PEPD: variants seen among roughly 807,000 people sequenced by gnomAD.
The protein encoded by PEPD is xaa-Pro dipeptidase.
PEPD carries 53 observed loss-of-function variants against 60.7 expected under a neutral mutation model. That is an observed-to-expected ratio of 0.87 (90% CI 0.70 to 1.10). The LOEUF (loss-of-function observed/expected upper bound fraction) is 1.10. PEPD is among the 50% of genes least tolerant of loss of function. The pLI, the probability that PEPD is intolerant of heterozygous loss-of-function variation, is 0.00. For synonymous variants in PEPD, 267 were observed against 284.1 expected (o/e 0.94, Z 0.60); for missense variants, 711 against 711.9 (o/e 1.00, Z 0.01).
rs540979411 is a variant in PEPD, at chr19:33,395,609, G to A, written c.968-4130C>T. The stretch of plus-strand genomic sequence containing the variant: ...CACTTGGTCTCCTCAGGCAGCACCC[G>A]CTCCTGCTGGGCCTAGGGCCCAGGC... On this transcript the variant is annotated intron_variant, in intron 12 of 14. Transcript: ENST00000244137. Among the ~76,000 whole-genome samples the A allele has an allele frequency of 1.2e-4, 18 of 152,300 alleles. No individual in the cohort carries two copies. In the South Asian group the frequency reaches 2.5e-3, roughly 21 times the overall value.
intron 12 of PEPD, among the ~76,000 whole-genome samples, chr19:33,396,321 C>A (rs986310816): frequency 3.3e-5 from 5 of 152,014 alleles, no homozygotes; most frequent in African/African-American, 7.2e-5. Flanking sequence ...GGCAGAGGTG[C>A]CCCCTGACCA....
chr19:33,436,736 C>T (rs1446179515), intron 9 of PEPD, among the ~76,000 whole-genome samples: 2 of 152,250 alleles, frequency 1.3e-5, no homozygotes, highest in Non-Finnish European at 2.9e-5. Context: ...CACTGGCCTG[C>T]CCACCCCTGC....
At chr19:33,462,648 C>T (rs1040787419) in intron 9 of PEPD, among the ~76,000 whole-genome samples, 3 of 152,210 alleles carry the variant, frequency 2.0e-5, no homozygotes, top group African/African-American at 7.2e-5. Flanking sequence ...GCAGTGTTTA[C>T]ACATAAAAAC....
intron 7 of PEPD, among the ~76,000 whole-genome samples, chr19:33,464,506 TC>T (rs964530971): frequency 7.9e-5 from 12 of 152,022 alleles, no homozygotes; most frequent in Non-Finnish European, 1.6e-4. Flanking sequence ...CCTCGTTTCC[TC>T]CCCACCCCCA....
chr19:33,389,103 A>G (rs1968151200), intron 13 of PEPD: 2 of 152,302 alleles, frequency 1.3e-5, no homozygotes, highest in Non-Finnish European at 2.9e-5. Context: ...TCAGACTCCA[A>G]TTAGCAGTTC....
At chr19:33,446,728 G>C (rs1479429446) in intron 9 of PEPD, among the ~76,000 whole-genome samples, 1 of 152,260 alleles carries the variant, frequency 6.6e-6, no homozygotes, top group African/African-American at 2.4e-5. Context: ...CCAGAGGGGA[G>C]GGCCCAGCGG....
intron 9 of PEPD, among the ~76,000 whole-genome samples, chr19:33,440,059 T>C (rs1305155270): frequency 6.6e-6 from 1 of 152,002 alleles, no homozygotes; most frequent in Non-Finnish European, 1.5e-5. Flanking sequence ...TCCTCAAGCG[T>C]TTCTAAACCT....
At chr19:33,411,579 C>T in intron 11 of PEPD, 93 bp downstream of exon 11, 1 of 749,348 alleles carries the variant, frequency 1.3e-6, no homozygotes, top group Non-Finnish European at 2.4e-6. Flanking sequence ...CCTCTCAGGA[C>T]AGGGACCCAG....
intron 4 of PEPD, among the ~76,000 whole-genome samples, chr19:33,496,369 G>C (rs755858085): frequency 5.3e-5 from 8 of 152,168 alleles, no homozygotes; most frequent in Non-Finnish European, 7.3e-5. Context: ...CTGACTCTGA[G>C]AGCAGGCTGT....
chr19:33,490,085 C>A, intron 5 of PEPD, 28 bp from the exon 6 acceptor site: 2 of 1,571,830 alleles, frequency 1.3e-6, no homozygotes, highest in Non-Finnish European at 1.7e-6. Context: ...AGACATGACA[C>A]ACGGGGCCGC....
At chr19:33,392,233 T>G (rs538551592) in intron 12 of PEPD, among the ~76,000 whole-genome samples, 1 of 152,278 alleles carries the variant, frequency 6.6e-6, no homozygotes, top group East Asian at 1.9e-4. Flanking sequence ...AAGAGAGAAC[T>G]TCCTAAGCAC....
rs151278946 is a variant in PEPD, at chr19:33,464,045, T to C, written c.566A>G (p.Asp189Gly). ...EIVECRVFKTDMELEVLRYTN... is the reference protein window; with the variant it reads ...EIVECRVFKTGMELEVLRYTN... Reference sequence around the variant, plus strand: ...ATAGCGCAGAACCTCCAGCTCCATATCCGTCTTAAACACTCGGCTTCAGAG... The same window carrying C: ...ATAGCGCAGAACCTCCAGCTCCATACCCGTCTTAAACACTCGGCTTCAGAG... Residue 189 changes from aspartate (D) to glycine (G), a missense_variant, in exon 8 of 15, where the codon GAT (aspartate) becomes GGT (glycine). Coordinates refer to ENST00000244137, the MANE Select transcript of PEPD (RefSeq NM_000285.4). The C allele has an allele frequency of 8.1e-5, 130 of 1,613,170 alleles. 1 individual carries two copies. The African/African-American group carries it at 1.0e-3, about 13-fold the overall frequency.
chr19:33,483,366 C>A (rs1284723678), intron 6 of PEPD, among the ~76,000 whole-genome samples: 3 of 152,148 alleles, frequency 2.0e-5, no homozygotes, highest in Non-Finnish European at 2.9e-5. Context: ...AAGGTGACCC[C>A]AGGAGACAAA....
At chr19:33,411,227 A>G (rs578231357) in intron 11 of PEPD, among the ~76,000 whole-genome samples, 1 of 152,290 alleles carries the variant, frequency 6.6e-6, no homozygotes, top group East Asian at 1.9e-4. Flanking sequence ...GGGCTCCTGC[A>G]GCAGGAGGAT....
intron 2 of PEPD, 139 bp from the exon 3 acceptor site, chr19:33,511,294 C>T (rs1174977984): frequency 2.4e-6 from 2 of 825,042 alleles, no homozygotes; most frequent in African/African-American, 3.4e-5. Context: ...GACATCCCTT[C>T]CCCTCAGCAC....
chr19:33,390,605 G>A (rs915571740), intron 13 of PEPD, among the ~76,000 whole-genome samples: 1 of 148,070 alleles, frequency 6.8e-6, no homozygotes, highest in Admixed American at 7.0e-5. Flanking sequence ...GGATGGGAGC[G>A]CCCCAGCCGC....
At chr19:33,438,662 C>T (rs565802217) in intron 9 of PEPD, among the ~76,000 whole-genome samples, 5 of 152,232 alleles carry the variant, frequency 3.3e-5, no homozygotes, top group African/African-American at 7.2e-5. Context: ...TTCTCCTCCT[C>T]GGAGCTGAAC....
rs567595858 is a variant in PEPD, at chr19:33,396,430, G to A, written c.968-4951C>T. Among the ~76,000 whole-genome samples, 18 of 152,252 alleles carry A rather than the reference G, an allele frequency of 1.2e-4. 1 individual carries two copies. The South Asian group carries it at 2.1e-3, about 18-fold the overall frequency. ...TCCCGCGCCTCAGTGCCCCTCTCTC[G>A]CCCCGTCAGGACTGTTTTGGAGGTG... On this transcript the variant is annotated intron_variant, in intron 12 of 14. Transcript: ENST00000244137.
At chr19:33,501,537 C>T (rs953873030) in intron 3 of PEPD, among the ~76,000 whole-genome samples, 3 of 152,014 alleles carry the variant, frequency 2.0e-5, no homozygotes, top group East Asian at 1.9e-4. Context: ...AAAATTAGGG[C>T]GCGGTGGCGG....
Sources: allele counts gnomAD v4.1 joint callset (sites outside exome capture counted in the v4.1 genomes callset), GRCh38; gene constraint gnomAD v4.1.1; transcripts MANE v1.5; gene names NCBI Gene and HGNC (gene_info 2026-07-23, HGNC 2026-07-21).